The following VNN1 variants were observed in gnomAD, a reference collection of about 807,000 sequenced individuals.
The protein encoded by VNN1 is pantetheinase.
VNN1 carries 29 observed loss-of-function variants against 41.9 expected under a neutral mutation model. That is an observed-to-expected ratio of 0.69 (90% confidence interval 0.52 to 0.94). The LOEUF (loss-of-function observed/expected upper bound fraction) is 0.94, where lower values mean the gene tolerates loss of function less well. Among genes scored for constraint, VNN1 ranks in the 40% least tolerant of loss-of-function variants. The pLI, the probability that VNN1 is intolerant of heterozygous loss-of-function variation, is 0.00. For synonymous variants in VNN1, 233 were observed against 224.4 expected, an observed-to-expected ratio of 1.04 and a Z score of -0.34; for missense variants, 637 against 621.1, an observed-to-expected ratio of 1.03 and a Z score of -0.27.
Position 132,692,496 on chromosome 6 carries a change from A to G in VNN1, c.915T>C (p.Asp305=), listed in dbSNP as rs1257262550. Residue 305 remains aspartate (D), a synonymous_variant, in exon 5 of 7, where the codon GAT becomes GAC. Transcript: ENST00000367928. ...CCACTGCAGAATGGGATGGGTGGGA[A>G]TCCAGTTGCGAGAGGAGGAGTTTTC... ...EEGKLLLSQL[D]SHPSHSAVVN... 6.2e-7 allele frequency: 1 copy of G among 1,613,646 alleles called. No homozygotes were observed.
chr6:132,692,507 A>G lies in VNN1; in HGVS notation c.904T>C (p.Ser302Pro). The change falls in exon 5 of 7, where the codon TCG becomes CCG. Residue 302 changes from serine (S) to proline (P), a missense_variant. Coordinates refer to ENST00000367928, the MANE Select transcript of VNN1 (RefSeq NM_004666.3). ...MKTEEGKLLL[S>P]QLDSHPSHSA... Reference sequence around the variant, plus strand: ...TGGGATGGGTGGGAATCCAGTTGCGAGAGGAGGAGTTTTCCCTCTTCTGTC... The same window carrying G: ...TGGGATGGGTGGGAATCCAGTTGCGGGAGGAGGAGTTTTCCCTCTTCTGTC... 6.2e-7 allele frequency: 1 copy of G among 1,613,040 alleles called. No individual in the cohort carries two copies. Among genetic ancestry groups the G allele is most frequent in the Non-Finnish European group, 8.5e-7 (1 of 1,179,990 alleles).
rs749378781 is a variant in VNN1 at position 132,692,292 on chromosome 6, T to C, written c.1119A>G (p.Ile373Met). 3 of 1,614,184 alleles carry C rather than the reference T, an allele frequency of 1.9e-6. No individual in the cohort carries two copies. Among genetic ancestry groups the C allele is most frequent in the African/African-American group, 1.3e-5 (1 of 75,064 alleles). ...CHLSYKMSEN[I>M]PNEVYALGAF... ...CCCCTAGAGCGTACACTTCATTTGG[T>C]ATGTTCTCAGACATTTTGTAGCTTA... The change falls in exon 5 of 7, where the codon ATA (isoleucine) becomes ATG (methionine). Residue 373 changes from isoleucine (I) to methionine (M), a missense_variant. Ile to Met is a conservative substitution (Grantham distance 10, BLOSUM62 1). Transcript: ENST00000367928.
intron 2 of VNN1, among the ~76,000 whole-genome samples, chr6:132,694,398 T>C (rs928095773): frequency 6.6e-6 from 1 of 152,224 alleles, no homozygotes; most frequent in African/African-American, 2.4e-5. Context: ...TAGGATAAGA[T>C]TCCAGACCAC....
At chr6:132,712,139 A>ATT (rs140079711) in intron 1 of VNN1, among the ~76,000 whole-genome samples, 5 of 134,410 alleles carry the variant, frequency 3.7e-5, no homozygotes, top group East Asian at 2.1e-4. Context: ...CTAGTCAAGC[A>ATT]TTTTTTTTTC....
At chr6:132,709,703 C>A (rs768805807) in intron 2 of VNN1, among the ~76,000 whole-genome samples, 5 of 151,302 alleles carry the variant, frequency 3.3e-5, no homozygotes, top group Non-Finnish European at 7.4e-5. Context: ...AGAATTAAGG[C>A]AAGACATTCA....
At chr6:132,699,238 C>A in intron 2 of VNN1, 1 of 286,486 alleles carries the variant, frequency 3.5e-6, no homozygotes, top group Non-Finnish European at 6.9e-6. Context: ...CTACTACTGC[C>A]TTTCAATTTC....
intron 2 of VNN1, 56 bp from the exon 3 acceptor site, chr6:132,694,238 C>A (rs938918081): frequency 7.4e-6 from 11 of 1,482,020 alleles, no homozygotes; most frequent in Non-Finnish European, 9.9e-6. Flanking sequence ...TAACTCTCAA[C>A]AAAATCCTGA....
chr6:132,696,675 G>A (rs200421913), intron 2 of VNN1, among the ~76,000 whole-genome samples: 1 of 149,290 alleles, frequency 6.7e-6, no homozygotes, highest in Non-Finnish European at 1.5e-5. Flanking sequence ...AGTACTGAAA[G>A]AAAAAAAAAT....
Position 132,683,005 on chromosome 6 carries a change from GT to G in VNN1, c.*134del. ...TTATTAAGTTTATATTATCTGGTGTGTGTGTGTTTGTCTAAATAAAGAGAAA... is the reference window on the plus strand; with the variant it reads ...TTATTAAGTTTATATTATCTGGTGTGGTGTGTTTGTCTAAATAAAGAGAAA... On this transcript the variant is annotated 3_prime_UTR_variant, in exon 7 of 7. Coordinates refer to ENST00000367928, the MANE Select transcript of VNN1 (RefSeq NM_004666.3). The G allele has an allele frequency of 1.6e-6, 1 of 637,508 alleles. No homozygotes were observed. 39.5% of individuals were successfully genotyped at this position (637,508 alleles called of 1,614,324 possible). A position where few individuals can be genotyped will look rare whatever the true frequency, so the allele number is the denominator to read the frequency against.
In VNN1 at chr6:132,690,642, G is replaced by A. The variant is rs149525699; in HGVS notation, c.1188+1581C>T. On this transcript the variant is annotated intron_variant, in intron 5 of 6. Transcript: ENST00000367928. Reference sequence around the variant, plus strand: ...CTAAAGACTGAATTCTTCAAGAGGAGGATCTATGCTTATTTATCTTCATAT... The same window carrying A: ...CTAAAGACTGAATTCTTCAAGAGGAAGATCTATGCTTATTTATCTTCATAT... 3.9e-5 allele frequency among the ~76,000 whole-genome samples: 6 copies of A among 152,242 alleles called. No individual in the cohort carries two copies. The East Asian group carries it at 5.8e-4, about 15-fold the overall frequency.
intron 2 of VNN1, among the ~76,000 whole-genome samples, chr6:132,710,628 T>C (rs946381877): frequency 1.3e-5 from 2 of 152,122 alleles, no homozygotes. Flanking sequence ...CAGTGTTTTG[T>C]TTTCTGTTCC....
At chr6:132,712,017 T>C (rs1359481097) in intron 1 of VNN1, among the ~76,000 whole-genome samples, 178 bp from the exon 2 acceptor site, 2 of 152,068 alleles carry the variant, frequency 1.3e-5, no homozygotes, top group East Asian at 3.9e-4. Context: ...TTCAGTGCAC[T>C]GTCACTTCTT....
rs369593950 is a variant in VNN1, at chr6:132,683,274, C to T, written c.1408G>A (p.Val470Ile). ...LFSLKPTSGPVLTVTLFGRLY... is the reference protein window; with the variant it reads ...LFSLKPTSGPILTVTLFGRLY... ...CTCCCAAACAGAGTTACTGTTAAGA[C>T]AGGTCCGGATGTTGGCTTCAGACTA... The change falls in exon 7 of 7, where the codon GTC (valine) becomes ATC (isoleucine). Residue 470 changes from valine to isoleucine, a missense_variant. By Grantham distance (29) the Val-to-Ile change is conservative. Transcript: ENST00000367928. 6.2e-7 allele frequency: 1 copy of T among 1,614,044 alleles called. No individual in the cohort carries two copies. Among genetic ancestry groups the T allele is most frequent in the African/African-American group, 1.3e-5 (1 of 75,032 alleles).
intron 5 of VNN1, among the ~76,000 whole-genome samples, chr6:132,689,732 A>C (rs1778256397): frequency 6.6e-6 from 1 of 152,152 alleles, no homozygotes; most frequent in African/African-American, 2.4e-5. Flanking sequence ...TTGTTTGCTT[A>C]ATTGCCCCTT....
intron 5 of VNN1, among the ~76,000 whole-genome samples, chr6:132,690,364 A>C (rs1440085490): frequency 1.7e-4 from 26 of 152,124 alleles, no homozygotes; most frequent in Admixed American, 1.7e-3. Context: ...CCTTAGTAGC[A>C]CTGACCTGTT....
chr6:132,693,408 T>C, intron 3 of VNN1, 93 bp from the exon 4 acceptor site: 1 of 1,254,820 alleles, frequency 8.0e-7, no homozygotes, highest in African/African-American at 1.5e-5. Context: ...CACATCTTAG[T>C]GCCAATTTCA....
At chr6:132,683,379 T>G (rs1350329751) in intron 6 of VNN1, 57 bp from the exon 7 acceptor site, 1 of 1,521,950 alleles carries the variant, frequency 6.6e-7, no homozygotes, top group Non-Finnish European at 8.9e-7. Flanking sequence ...ATCCCATAAA[T>G]CACTTTTAAA....
intron 2 of VNN1, among the ~76,000 whole-genome samples, chr6:132,696,389 T>A (rs909618689): frequency 6.6e-6 from 1 of 151,974 alleles, no homozygotes; most frequent in Non-Finnish European, 1.5e-5. Context: ...AGAAGAGAGA[T>A]TATTTGAAGA....
chr6:132,687,507 G>A (rs1444751497), intron 5 of VNN1, among the ~76,000 whole-genome samples: 4 of 152,312 alleles, frequency 2.6e-5, no homozygotes, highest in South Asian at 2.1e-4. Flanking sequence ...GACTCCTATC[G>A]TATACAAGGC....
Sources: gnomAD v4.1 joint callset for allele counts (sites outside exome capture counted in the v4.1 genomes callset) on GRCh38, gnomAD v4.1.1 for gene constraint, MANE v1.5 for transcripts, NCBI Gene and HGNC (gene_info 2026-07-23, HGNC 2026-07-21) for gene names.